Variants in VWA8 observed in about 807,000 individuals in gnomAD.
The protein encoded by VWA8 is von Willebrand factor A domain containing 8.
Under a neutral mutation model 241.5 loss-of-function variants are expected in VWA8, and 221 were observed. That is an observed-to-expected ratio of 0.91 (90% CI 0.82 to 1.02). VWA8 has a LOEUF of 1.02. Ranked by LOEUF, VWA8 falls within the 50% of genes least tolerant of loss-of-function variation. The pLI is 0.00. For synonymous variants in VWA8, 852 were observed against 827.1 expected (o/e 1.03, Z -0.52); for missense variants, 2,322 against 2,328.7 (o/e 1.00, Z 0.06).
Position 41,568,274 on chromosome 13 carries a change from A to G in VWA8, c.5641T>C (p.Phe1881Leu). 3.1e-6 allele frequency: 5 copies of G among 1,614,190 alleles called. No homozygotes were observed. The highest frequency in any genetic ancestry group is 3.4e-6 in the Non-Finnish European group (4 of 1,180,008). ...LQRTLPAGRS[F>L]VAMDTKDIPQ... ...ATATCCTTGGTATCCATGGCAACGA[A>G]AGACCGACCAGCTGGTAAAGTTCTC... Residue 1881 changes from phenylalanine to leucine, a missense_variant, in exon 45 of 45, where the codon TTC (phenylalanine) becomes CTC (leucine). Phe to Leu is a conservative substitution (Grantham distance 22, BLOSUM62 0). Coordinates refer to ENST00000379310, the MANE Select transcript of VWA8 (RefSeq NM_015058.2).
At chr13:41,591,412 C>A (rs1323120688) in intron 40 of VWA8, among the ~76,000 whole-genome samples, 3 of 152,136 alleles carry the variant, frequency 2.0e-5, no homozygotes, top group Non-Finnish European at 4.4e-5. Context: ...GTATCCCAAT[C>A]AAGGCATATG....
intron 29 of VWA8, among the ~76,000 whole-genome samples, chr13:41,698,712 A>G (rs953438954): frequency 2.0e-5 from 3 of 152,118 alleles, no homozygotes; most frequent in African/African-American, 4.8e-5. Flanking sequence ...CTCTGTTTCT[A>G]TATGTAACAA....
At chr13:41,861,441 A>G (rs986798014) in intron 12 of VWA8, among the ~76,000 whole-genome samples, 1 of 152,204 alleles carries the variant, frequency 6.6e-6, no homozygotes, top group African/African-American at 2.4e-5. Flanking sequence ...ACATAGTACT[A>G]GAAGTCCTAG....
At chr13:41,868,591 A>C in intron 9 of VWA8, 114 bp from the exon 10 acceptor site, 2 of 1,306,964 alleles carry the variant, frequency 1.5e-6, no homozygotes, top group Non-Finnish European at 2.0e-6. Context: ...TATTATATAA[A>C]AGTAGAGGTT....
intron 43 of VWA8, 50 bp downstream of exon 43, chr13:41,575,690 C>T: frequency 1.4e-6 from 2 of 1,398,184 alleles, no homozygotes; most frequent in Non-Finnish European, 2.0e-6. Context: ...TTAGTCTTTA[C>T]CTAACCTGAT....
At chr13:41,692,809 A>G in intron 30 of VWA8, 53 bp downstream of exon 30, 1 of 1,453,028 alleles carries the variant, frequency 6.9e-7, no homozygotes, top group Non-Finnish European at 9.6e-7. Context: ...CTTTCTGGTT[A>G]GAAAGCTATA....
At chr13:41,781,685 A>T (rs959433152) in intron 19 of VWA8, among the ~76,000 whole-genome samples, 2 of 152,134 alleles carry the variant, frequency 1.3e-5, no homozygotes, top group Non-Finnish European at 2.9e-5. Context: ...TCTCCTCCTT[A>T]CTGCTGCAAA....
At chr13:41,672,655 G>A (rs1362992059) in intron 36 of VWA8, among the ~76,000 whole-genome samples, 1 of 152,028 alleles carries the variant, frequency 6.6e-6, no homozygotes, top group African/African-American at 2.4e-5. Context: ...TGACAAGGGC[G>A]GCCACTCTTG....
At chr13:41,620,059 T>C (rs1375340090) in intron 37 of VWA8, among the ~76,000 whole-genome samples, 1 of 152,228 alleles carries the variant, frequency 6.6e-6, no homozygotes, top group African/African-American at 2.4e-5. Context: ...CAGGTCCTCT[T>C]TGTACCTCTA....
At chr13:41,872,114 G>C (rs1433958649) in intron 9 of VWA8, among the ~76,000 whole-genome samples, 1 of 152,162 alleles carries the variant, frequency 6.6e-6, no homozygotes, top group Non-Finnish European at 1.5e-5. Flanking sequence ...CTTTTGAGAA[G>C]TGTCTGTTCA....
intron 2 of VWA8, among the ~76,000 whole-genome samples, chr13:41,919,518 T>G (rs1304438664): frequency 6.6e-6 from 1 of 152,074 alleles, no homozygotes; most frequent in Non-Finnish European, 1.5e-5. Flanking sequence ...GGGTAGTCAT[T>G]GCACCCCTCC....
intron 26 of VWA8, among the ~76,000 whole-genome samples, chr13:41,711,281 T>C (rs972668710): frequency 2.0e-5 from 3 of 152,174 alleles, no homozygotes; most frequent in Admixed American, 1.3e-4. Flanking sequence ...TAAGGACTAT[T>C]TAATTCATTG....
At chr13:41,760,106 T>A (rs1264856827) in intron 21 of VWA8, among the ~76,000 whole-genome samples, 4 of 151,824 alleles carry the variant, frequency 2.6e-5, no homozygotes, top group African/African-American at 4.8e-5. Flanking sequence ...CCCTTCTGAA[T>A]ACCAGGGTTA....
At chr13:41,687,744 T>A (rs2045146474) in intron 34 of VWA8, among the ~76,000 whole-genome samples, 1 of 152,130 alleles carries the variant, frequency 6.6e-6, no homozygotes, top group Non-Finnish European at 1.5e-5. Flanking sequence ...ACTGTCATCT[T>A]AAAGGCTGCC....
rs1443074307 is a variant in VWA8 at position 41,580,682 on chromosome 13, C to G, written c.5272-4844G>C. ...AAAATCAAATTGAACAGAGATAAAA[C>G]AGCTATAAGAAACAGGGATGAAACA... On this transcript the variant is annotated intron_variant, in intron 42 of 44. Coordinates refer to ENST00000379310, the MANE Select transcript of VWA8 (RefSeq NM_015058.2). Among the ~76,000 whole-genome samples the G allele has an allele frequency of 3.3e-5, 5 of 152,186 alleles. No homozygotes were observed. In the South Asian group the frequency reaches 1.0e-3, roughly 31 times the overall value.
Position 41,617,118 on chromosome 13 carries a change from A to AT in VWA8, c.4612-2035dup, listed in dbSNP as rs901324222. On this transcript the variant is annotated intron_variant, in intron 37 of 44. Coordinates refer to ENST00000379310, the MANE Select transcript of VWA8 (RefSeq NM_015058.2). ...AATGGAACTTACATATGGAGATACT[A>AT]TTTTTTTTTTTTCTTTTTGAGATGA... is the stretch of plus-strand genomic sequence containing the variant. 6.6e-3 allele frequency among the ~76,000 whole-genome samples: 975 copies of AT among 147,584 alleles called. 4 individuals carry two copies. Among genetic ancestry groups the AT allele is most frequent in the African/African-American group, 0.016 (628 of 40,448 alleles).
chr13:41,610,609 A>G (rs1321964091), intron 39 of VWA8, among the ~76,000 whole-genome samples: 2 of 152,222 alleles, frequency 1.3e-5, no homozygotes, highest in African/African-American at 4.8e-5. Context: ...ACAGCATGTA[A>G]TGTAATACCA....
chr13:41,956,141 T>A (rs1222676648), intron 1 of VWA8, among the ~76,000 whole-genome samples: 4 of 152,196 alleles, frequency 2.6e-5, no homozygotes, highest in African/African-American at 9.7e-5. Context: ...TTGGGCCAGA[T>A]AATTTTTTGT....
At chr13:41,741,110 A>G (rs903550998) in intron 21 of VWA8, among the ~76,000 whole-genome samples, 1 of 152,134 alleles carries the variant, frequency 6.6e-6, no homozygotes, top group Non-Finnish European at 1.5e-5. Context: ...TAAAATACTT[A>G]TTACGTATTT....
Sources: allele counts gnomAD v4.1 joint callset (sites outside exome capture counted in the v4.1 genomes callset), GRCh38; gene constraint gnomAD v4.1.1; transcripts MANE v1.5; gene names NCBI Gene and HGNC (gene_info 2026-07-23, HGNC 2026-07-21).